The following RXRA variants were observed in gnomAD, a reference collection of about 807,000 sequenced individuals.
RXRA encodes retinoid X receptor alpha, also known as retinoic acid receptor RXR-alpha.
A neutral mutation model predicts 44.5 loss-of-function variants in RXRA; 5 were observed. The ratio of observed to expected loss-of-function variants is 0.11; its 90% confidence interval spans 0.06 to 0.24. The LOEUF is 0.24. RXRA is among the 10% of genes least tolerant of loss of function. RXRA has a pLI of 1.00. For missense variants in RXRA, 412 were observed against 646.5 expected, an observed-to-expected ratio of 0.64 and a Z score of 3.93; for synonymous variants, 291 against 271.4, an observed-to-expected ratio of 1.07 and a Z score of -0.71.
chr9:134,380,579 T>TGGGAA (rs1830628775), intron 1 of RXRA, among the ~76,000 whole-genome samples: 2 of 151,638 alleles, frequency 1.3e-5, no homozygotes, highest in African/African-American at 4.8e-5. Flanking sequence ...GGACTGGACT[T>TGGGAA]GGGAAGGGTT....
chr9:134,331,943 C>T (rs930455447), intron 1 of RXRA, among the ~76,000 whole-genome samples: 18 of 152,230 alleles, frequency 1.2e-4, no homozygotes, highest in African/African-American at 4.3e-4. Flanking sequence ...CCCAGGAGCC[C>T]CATTGCTGGT....
chr9:134,432,255 G>T (rs567309569), intron 8 of RXRA, among the ~76,000 whole-genome samples: 2 of 152,238 alleles, frequency 1.3e-5, no homozygotes, highest in African/African-American at 4.8e-5. Context: ...TGGTGGTGCC[G>T]TCTGGGCTCC....
rs543143492 is a variant in RXRA, at chr9:134,389,557, G to T, written c.29-12075G>T. The stretch of plus-strand genomic sequence containing the variant: ...AGGCCTGGGGCTTTGGATTTTGGGG[G>T]TGTAATAGGGAGCCCTGGGAAGTTC... On this transcript the variant is annotated intron_variant, in intron 1 of 9. Coordinates refer to ENST00000481739, the MANE Select transcript of RXRA (RefSeq NM_002957.6). Among the ~76,000 whole-genome samples the T allele has an allele frequency of 6.6e-5, 10 of 152,264 alleles. No individual in the cohort carries two copies. The East Asian group carries it at 1.9e-3, about 29-fold the overall frequency.
chr9:134,429,804 C>A (rs994524625), intron 7 of RXRA, among the ~76,000 whole-genome samples: 1 of 152,150 alleles, frequency 6.6e-6, no homozygotes, highest in East Asian at 1.9e-4. Context: ...GGTCCGTGTC[C>A]GTTCATGTTG....
intron 6 of RXRA, among the ~76,000 whole-genome samples, chr9:134,428,190 G>A (rs56108409): frequency 6.6e-6 from 1 of 150,920 alleles, no homozygotes; most frequent in Admixed American, 6.6e-5. Context: ...CCACTATGTT[G>A]AGAGGCTGCT....
At chr9:134,410,665 C>T (rs1309001559) in intron 4 of RXRA, among the ~76,000 whole-genome samples, 1 of 152,138 alleles carries the variant, frequency 6.6e-6, no homozygotes, top group Non-Finnish European at 1.5e-5. Context: ...GGCGTGGAGA[C>T]TGGCCTGTTC....
rs1830415092 is a variant in RXRA at position 134,366,383 on chromosome 9, G to A, written c.29-35249G>A. On this transcript the variant is annotated intron_variant, in intron 1 of 9. Transcript: ENST00000481739. This position sits in a 1 kb window ranked among gnomAD's most constrained non-coding sequence, Gnocchi z 5.9. The stretch of plus-strand genomic sequence containing the variant: ...TCCAGAATTGCACGTGATCTCAGAC[G>A]GTTCCCAGCTTCCTCTGCAGGGCGG... Among the ~76,000 whole-genome samples the A allele has an allele frequency of 6.6e-6, 1 of 152,114 alleles. No homozygotes were observed. Among genetic ancestry groups the A allele is most frequent in the South Asian group, 2.1e-4 (1 of 4,824 alleles).
chr9:134,361,682 C>G (rs1830354219), intron 1 of RXRA, among the ~76,000 whole-genome samples: 1 of 152,204 alleles, frequency 6.6e-6, no homozygotes, highest in South Asian at 2.1e-4. Context: ...GAACAAGCAC[C>G]TAATGGCTCT....
chr9:134,395,298 T>C (rs1475950376), intron 1 of RXRA, among the ~76,000 whole-genome samples: 3 of 152,230 alleles, frequency 2.0e-5, no homozygotes, highest in African/African-American at 7.2e-5. Context: ...CGTGGCTTCC[T>C]GTGTCCACCG....
chr9:134,437,027 G>A lies in RXRA; in HGVS notation c.*413G>A, dbSNP rs184291399. The A allele has an allele frequency of 4.9e-6, 1 of 203,952 alleles. No homozygotes were observed. The highest frequency in any genetic ancestry group is 2.3e-5 in the African/African-American group (1 of 42,962). The allele number at this position is 203,952 out of a possible 1,614,324, so 12.6% of individuals were successfully genotyped here. On this transcript the variant is annotated 3_prime_UTR_variant, in exon 10 of 10. Coordinates refer to ENST00000481739, the MANE Select transcript of RXRA (RefSeq NM_002957.6). ...TGCTGGTTTTCAGAATTCCTGTGTG[G>A]CCCTCCTGTCTGGAGTGACATCTTC...
rs1230739985 is a variant in RXRA at position 134,426,519 on chromosome 9, C to T, written c.911-2589C>T. The T allele has an allele frequency of 2.9e-5, 29 of 985,354 alleles. No individual in the cohort carries two copies. Among genetic ancestry groups the T allele is most frequent in the Non-Finnish European group, 3.4e-5 (28 of 829,944 alleles). The allele number at this position is 985,354 out of a possible 1,614,324, so 61.0% of individuals were successfully genotyped here. On this transcript the variant is annotated intron_variant, in intron 6 of 9. Transcript: ENST00000481739. This position sits in a 1 kb window ranked among gnomAD's most constrained non-coding sequence, Gnocchi z 4.6. ...GCGTGCCGGAGGGTGCAGAGAGAGA[C>T]TCCGCACTGTTCTGTCCGTGTGTCT...
chr9:134,417,622 TG>T lies in RXRA; in HGVS notation c.780+299del, dbSNP rs1831259837. On this transcript the variant is annotated intron_variant, in intron 5 of 9. Transcript: ENST00000481739. The surrounding 1 kb of genome is among the most constrained non-coding windows in gnomAD (Gnocchi z 6.1). ...CATCATCATCCTCGGCCACCTCTGC[TG>T]GGGCCTCAGCCGCCGTGTCCCCTCG... Among the ~76,000 whole-genome samples, 1 of 151,240 alleles carries T rather than the reference TG, an allele frequency of 6.6e-6. No individual in the cohort carries two copies.
At chr9:134,381,838 G>A (rs780020895) in intron 1 of RXRA, among the ~76,000 whole-genome samples, 32 of 152,134 alleles carry the variant, frequency 2.1e-4, no homozygotes, top group Non-Finnish European at 4.0e-4. Context: ...TAGGTGCTCC[G>A]TCGTGAAGTG....
At chr9:134,384,238 C>G (rs1353750165) in intron 1 of RXRA, among the ~76,000 whole-genome samples, 1 of 152,038 alleles carries the variant, frequency 6.6e-6, no homozygotes, top group Admixed American at 6.6e-5. Flanking sequence ...GGGGAGTCCT[C>G]AACCCTCTTC....
At chr9:134,395,651 C>T (rs1376993580) in intron 1 of RXRA, among the ~76,000 whole-genome samples, 2 of 152,230 alleles carry the variant, frequency 1.3e-5, no homozygotes, top group Admixed American at 1.3e-4. Context: ...AGGTGGGTGA[C>T]TTCATAGGCC....
At chr9:134,379,278 C>A (rs760187156) in intron 1 of RXRA, 8 of 986,408 alleles carry the variant, frequency 8.1e-6, no homozygotes, top group Non-Finnish European at 8.4e-6. Flanking sequence ...CCATCAGCAA[C>A]AGCTGTTGCC....
intron 1 of RXRA, among the ~76,000 whole-genome samples, chr9:134,345,385 G>A (rs895965526): frequency 2.6e-5 from 4 of 152,186 alleles, no homozygotes; most frequent in Admixed American, 6.5e-5. Context: ...AGCAGTGGGG[G>A]TACCTGGTTG....
chr9:134,423,392 A>AGTGGAG, intron 6 of RXRA: 1 of 985,462 alleles, frequency 1.0e-6, no homozygotes, highest in Non-Finnish European at 1.2e-6. Flanking sequence ...GGGGAGCCTC[A>AGTGGAG]GCCCATACAA....
chr9:134,420,730 G>A (rs1198753536), intron 5 of RXRA, among the ~76,000 whole-genome samples: 2 of 152,236 alleles, frequency 1.3e-5, no homozygotes, highest in African/African-American at 4.8e-5. Flanking sequence ...ACCACTGAGG[G>A]GGCCGTCATC....
Sources: allele counts gnomAD v4.1 joint callset (sites outside exome capture counted in the v4.1 genomes callset), GRCh38; gene constraint gnomAD v4.1.1; non-coding constraint Gnocchi (gnomAD v3.1); transcripts MANE v1.5; gene names NCBI Gene and HGNC (gene_info 2026-07-23, HGNC 2026-07-21).